The following OR6Y1 variants were observed in gnomAD, a reference collection of about 807,000 sequenced individuals.
The protein encoded by OR6Y1 is olfactory receptor 6Y1.
Under a neutral mutation model 0.4 loss-of-function variants are expected in OR6Y1, and 1 was observed. That is an observed-to-expected ratio of 2.74 (90% CI 0.97 to 13.02). The LOEUF (loss-of-function observed/expected upper bound fraction) is 13.02, where lower values mean the gene tolerates loss of function less well. Among genes scored for constraint, OR6Y1 ranks in the 30% most tolerant of loss-of-function variants. The pLI is 0.12. For missense variants in OR6Y1, 480 were observed against 399.8 expected, an observed-to-expected ratio of 1.20 and a Z score of -1.71; for synonymous variants, 173 against 141.1, an observed-to-expected ratio of 1.23 and a Z score of -1.60.
intron 1 of OR6Y1, among the ~76,000 whole-genome samples, chr1:158,550,238 A>G (rs1175180111): frequency 3.5e-5 from 3 of 86,488 alleles, no homozygotes; most frequent in Non-Finnish European, 7.1e-5. Flanking sequence ...AGATATTGTC[A>G]TTCTTGGGTA....
chr1:158,553,744 A>G (rs1436702812), intron 1 of OR6Y1, among the ~76,000 whole-genome samples: 1 of 152,008 alleles, frequency 6.6e-6, no homozygotes, highest in East Asian at 1.9e-4. Context: ...TGGTCCATTC[A>G]TTTCATCCTC....
chr1:158,545,923 T>A lies in OR6Y1; in HGVS notation c.*1205A>T, dbSNP rs1467166250. On this transcript the variant is annotated 3_prime_UTR_variant, in exon 2 of 2. Coordinates refer to ENST00000641622, the MANE Select transcript of OR6Y1 (RefSeq NM_001005189.2). The stretch of plus-strand genomic sequence containing the variant: ...CCAAATACTGTCTCAGTATTTTTGA[T>A]CTTAGGAATCACAAATAAAGTACTT... 1.3e-5 allele frequency: 2 copies of A among 152,200 alleles called. No homozygotes were observed. Among genetic ancestry groups the A allele is most frequent in the East Asian group, 1.9e-4 (1 of 5,202 alleles). The allele number at this position is 152,200 out of a possible 1,614,324, so 9.4% of individuals were successfully genotyped here.
At chr1:158,553,916 G>T (rs936382238) in intron 1 of OR6Y1, among the ~76,000 whole-genome samples, 2 of 152,114 alleles carry the variant, frequency 1.3e-5, no homozygotes, top group African/African-American at 4.8e-5. Flanking sequence ...AGTTATCACA[G>T]TAGAGTCTTA....
chr1:158,554,291 T>C lies in OR6Y1; in HGVS notation c.-1458A>G, dbSNP rs1647776946. ...CATTTTCTCAGGAATATAACCCTTT[T>C]CCCACCTAGCTTTATCAAAGATGGC... On this transcript the variant is annotated 5_prime_UTR_variant, in exon 1 of 2. Transcript: ENST00000641622. The C allele has an allele frequency of 6.6e-6, 1 of 152,232 alleles. No homozygotes were observed. Among genetic ancestry groups the C allele is most frequent in the African/African-American group, 2.4e-5 (1 of 41,462 alleles). The allele number at this position is 152,232 out of a possible 1,614,324, so 9.4% of individuals were successfully genotyped here. A position where few individuals can be genotyped will look rare whatever the true frequency, so the allele number is the denominator to read the frequency against.
At chr1:158,550,226 A>ATTC (rs756738578) in intron 1 of OR6Y1, among the ~76,000 whole-genome samples, 76,582 of 150,892 alleles carry the variant, frequency 0.51, 20,072 homozygotes, top group African/African-American at 0.61. Context: ...TTCCTTTGCA[A>ATTC]TAGATATTGT....
At chr1:158,552,902 C>T (rs1280997358) in intron 1 of OR6Y1, among the ~76,000 whole-genome samples, 1 of 152,126 alleles carries the variant, frequency 6.6e-6, no homozygotes, top group East Asian at 1.9e-4. Context: ...GGATACAATT[C>T]TAATCCAGCT....
chr1:158,547,731 A>G lies in OR6Y1; in HGVS notation c.375T>C (p.Phe125=). 6.2e-7 allele frequency: 1 copy of G among 1,613,626 alleles called. No individual in the cohort carries two copies. The highest frequency in any genetic ancestry group is 1.1e-5 in the South Asian group (1 of 91,086). ...GATTACAAATGGCTACATAGCGGTC[A>G]AAGGCCATGATAGCAAGAAGGATGT... ...TEYILLAIMA[F]DRYVAICNPL... Residue 125 remains phenylalanine (F), a synonymous_variant, in exon 2 of 2, where the codon TTT becomes TTC. Coordinates refer to ENST00000641622, the MANE Select transcript of OR6Y1 (RefSeq NM_001005189.2).
intron 1 of OR6Y1, among the ~76,000 whole-genome samples, chr1:158,550,614 G>T (rs1647677379): frequency 2.0e-5 from 3 of 151,546 alleles, no homozygotes; most frequent in Admixed American, 2.0e-4. Flanking sequence ...AAGTGTTAAA[G>T]TTAATGTATA....
chr1:158,550,623 T>A (rs1268992747), intron 1 of OR6Y1, among the ~76,000 whole-genome samples: 1 of 151,642 alleles, frequency 6.6e-6, no homozygotes. Flanking sequence ...AGTTAATGTA[T>A]AAAGAGGTAG....
intron 1 of OR6Y1, among the ~76,000 whole-genome samples, chr1:158,553,451 T>C (rs10797028): frequency 6.6e-6 from 1 of 151,632 alleles, no homozygotes; most frequent in Non-Finnish European, 1.5e-5. Context: ...ATTGTCAATG[T>C]TTGAGATGAT....
rs56115974 is a variant in OR6Y1, at chr1:158,545,480, T to TAATAAAATAAAATAA, written c.*1633_*1647dup. 2 of 149,814 alleles carry TAATAAAATAAAATAA rather than the reference T, an allele frequency of 1.3e-5. No homozygotes were observed. Among genetic ancestry groups the TAATAAAATAAAATAA allele is most frequent in the African/African-American group, 4.9e-5 (2 of 40,746 alleles). 9.3% of individuals were successfully genotyped at this position (149,814 alleles called of 1,614,324 possible). A position where few individuals can be genotyped will look rare whatever the true frequency, so the allele number is the denominator to read the frequency against. On this transcript the variant is annotated 3_prime_UTR_variant, in exon 2 of 2. Coordinates refer to ENST00000641622, the MANE Select transcript of OR6Y1 (RefSeq NM_001005189.2). ...TACCCTAAAACTTAAAGTATAATAA[T>TAATAAAATAAAATAA]AATAAAATAAAATAAAATAAAATAA...
intron 1 of OR6Y1, 53 bp from the exon 2 acceptor site, chr1:158,549,590 A>G (rs1036509563): frequency 9.2e-5 from 14 of 151,836 alleles, no homozygotes; most frequent in African/African-American, 2.9e-4. Context: ...AGAGAGGGAA[A>G]TGGACACAGA....
intron 1 of OR6Y1, among the ~76,000 whole-genome samples, chr1:158,550,590 A>G (rs1002486741): frequency 1.3e-5 from 2 of 151,604 alleles, no homozygotes; most frequent in African/African-American, 4.9e-5. Context: ...GTATATATAG[A>G]ATTATATTTT....
At position 158,548,239 on chromosome 1, in the gene OR6Y1, T is replaced by G; in HGVS notation, c.-134A>C. 1 of 814,718 alleles carries G rather than the reference T, an allele frequency of 1.2e-6. No individual in the cohort carries two copies. The highest frequency in any genetic ancestry group is 1.9e-6 in the Non-Finnish European group (1 of 523,194). 50.5% of individuals were successfully genotyped at this position (814,718 alleles called of 1,614,324 possible). A position where few individuals can be genotyped will look rare whatever the true frequency, so the allele number is the denominator to read the frequency against. ...GTTTCTGCTTTTTTATCTTACTGCC[T>G]CTTGAATTATGAAGAGAACCAAAGC... On this transcript the variant is annotated 5_prime_UTR_variant, in exon 2 of 2. Coordinates refer to ENST00000641622, the MANE Select transcript of OR6Y1 (RefSeq NM_001005189.2).
In OR6Y1 at chr1:158,548,657, T is replaced by G. The variant is rs762236930; in HGVS notation, c.-552A>C. ...CCACAGGATTAACAGCAAAATCAGG[T>G]TTGATGCAATTATTCACCAGCTTTT... On this transcript the variant is annotated 5_prime_UTR_variant, in exon 2 of 2. Transcript: ENST00000641622. 4 of 152,364 alleles carry G rather than the reference T, an allele frequency of 2.6e-5. 1 individual carries two copies. Among genetic ancestry groups the G allele is most frequent in the African/African-American group, 9.7e-5 (4 of 41,050 alleles). 9.4% of individuals were successfully genotyped at this position (152,364 alleles called of 1,614,324 possible).
chr1:158,547,146 A>G lies in OR6Y1; in HGVS notation c.960T>C (p.Asn320=), dbSNP rs1401997751. ...ACATTTTTTAACTACTGAAAGCCCC[A>G]TTTCCCTGGGGCCCACTTCCTCTGC... ...IHCRGSGPQG[N]GAFSS The change falls in exon 2 of 2, where the codon AAT becomes AAC. Residue 320 remains asparagine (N), a synonymous_variant. Coordinates refer to ENST00000641622, the MANE Select transcript of OR6Y1 (RefSeq NM_001005189.2). 4 of 1,612,458 alleles carry G rather than the reference A, an allele frequency of 2.5e-6. No homozygotes were observed. The highest frequency in any genetic ancestry group is 2.2e-5 in the East Asian group (1 of 44,846).
rs1164532350 is a variant in OR6Y1 at position 158,547,867 on chromosome 1, G to T, written c.239C>A (p.Thr80Lys). 6.2e-7 allele frequency: 1 copy of T among 1,613,598 alleles called. No individual in the cohort carries two copies. ...AACAAGCATCTTGGGGCTGATGACT[G>T]TGACATACCACATCTCCAGGAAGGA... ...HLSFLEMWYV[T>K]VISPKMLVDF... is the part of the protein sequence containing the mutation. The change falls in exon 2 of 2, where the codon ACA becomes AAA. Residue 80 changes from threonine (T) to lysine (K), a missense_variant. Transcript: ENST00000641622.
intron 1 of OR6Y1, among the ~76,000 whole-genome samples, chr1:158,550,775 G>A (rs1362944034): frequency 6.6e-6 from 1 of 151,768 alleles, no homozygotes; most frequent in East Asian, 1.9e-4. Context: ...GTGAGGAAGA[G>A]AGCAAGGTTC....
rs888215522 is a variant in OR6Y1, at chr1:158,546,528, T to G, written c.*600A>C. 2.6e-4 allele frequency: 40 copies of G among 152,170 alleles called. No homozygotes were observed. Among genetic ancestry groups the G allele is most frequent in the African/African-American group, 9.7e-4 (40 of 41,434 alleles). 9.4% of individuals were successfully genotyped at this position (152,170 alleles called of 1,614,324 possible). A position where few individuals can be genotyped will look rare whatever the true frequency, so the allele number is the denominator to read the frequency against. On this transcript the variant is annotated 3_prime_UTR_variant, in exon 2 of 2. Coordinates refer to ENST00000641622, the MANE Select transcript of OR6Y1 (RefSeq NM_001005189.2). ...TAAACGCCTTAACAAATTAGTCATT[T>G]ATGTTATTTGGAGGGAAGTGGGTGG...
Sources: gnomAD v4.1 joint callset for allele counts (sites outside exome capture counted in the v4.1 genomes callset) on GRCh38, gnomAD v4.1.1 for gene constraint, MANE v1.5 for transcripts, NCBI Gene and HGNC (gene_info 2026-07-23, HGNC 2026-07-21) for gene names.